EYS: variants seen among roughly 807,000 people sequenced by gnomAD.
EYS encodes the protein protein eyes shut homolog.
A neutral mutation model predicts 282.1 loss-of-function variants in EYS; 250 were observed. That is an observed-to-expected ratio of 0.89 (90% CI 0.80 to 0.98). The LOEUF (loss-of-function observed/expected upper bound fraction) is 0.98, where lower values mean the gene tolerates loss of function less well. EYS is among the 50% of genes least tolerant of loss of function. EYS has a pLI of 0.00. For synonymous variants in EYS, 1,355 were observed against 1,282.9 expected (o/e 1.06, Z -1.20); for missense variants, 4,016 against 3,709.0 (o/e 1.08, Z -2.15).
chr6:65,284,478 A>G (rs1768306059), intron 12 of EYS, among the ~76,000 whole-genome samples: 1 of 152,094 alleles, frequency 6.6e-6, no homozygotes, highest in Non-Finnish European at 1.5e-5. Context: ...AACTATTAAA[A>G]TTGAAAAGTT....
chr6:64,219,245 G>A (rs921398273), intron 31 of EYS, among the ~76,000 whole-genome samples: 1 of 152,156 alleles, frequency 6.6e-6, no homozygotes, highest in Non-Finnish European at 1.5e-5. Context: ...GGTGTGGACA[G>A]TTTCAAATTG....
At chr6:64,425,924 G>C (rs964697520) in intron 28 of EYS, among the ~76,000 whole-genome samples, 1 of 151,994 alleles carries the variant, frequency 6.6e-6, no homozygotes, top group Admixed American at 6.6e-5. Context: ...AGGAGTAGGA[G>C]ACCAGGAATT....
At chr6:64,727,131 T>C (rs1042899860) in intron 22 of EYS, among the ~76,000 whole-genome samples, 3 of 152,154 alleles carry the variant, frequency 2.0e-5, no homozygotes, top group African/African-American at 7.2e-5. Context: ...TGCCAACAAA[T>C]GTAAATAAAT....
At position 64,517,672 on chromosome 6, in the gene EYS, T is replaced by A. The variant is rs947320392; in HGVS notation, c.5644+72551A>T. Among the ~76,000 whole-genome samples the A allele has an allele frequency of 2.0e-5, 3 of 151,812 alleles. No individual in the cohort carries two copies. In the East Asian group the frequency reaches 5.8e-4, roughly 29 times the overall value. ...AGGATCTTCATGTTCATGTGAGGCA[T>A]GTGAAAGCCTCTGATTAATTACTTC... is the stretch of plus-strand genomic sequence containing the variant. On this transcript the variant is annotated intron_variant, in intron 26 of 42. Coordinates refer to ENST00000503581, the MANE Select transcript of EYS (RefSeq NM_001142800.2).
At chr6:64,949,107 G>A (rs972871154) in intron 14 of EYS, among the ~76,000 whole-genome samples, 2 of 151,848 alleles carry the variant, frequency 1.3e-5, no homozygotes, top group Non-Finnish European at 2.9e-5. Flanking sequence ...CAATATCTCT[G>A]ATGCTTATTA....
intron 31 of EYS, among the ~76,000 whole-genome samples, chr6:64,206,884 G>A (rs139924273): frequency 3.0e-4 from 45 of 152,110 alleles, no homozygotes; most frequent in East Asian, 9.7e-4. Flanking sequence ...ATATATTTGC[G>A]TCATGGGAGT....
Position 64,912,727 on chromosome 6 carries a change from C to T in EYS, c.2398G>A (p.Gly800Arg). The T allele has an allele frequency of 1.4e-6, 2 of 1,385,160 alleles. No homozygotes were observed. The highest frequency in any genetic ancestry group is 1.9e-5 in the South Asian group (1 of 53,180). 85.8% of individuals were successfully genotyped at this position (1,385,160 alleles called of 1,614,324 possible). A position where few individuals can be genotyped will look rare whatever the true frequency, so the allele number is the denominator to read the frequency against. Residue 800 changes from glycine to arginine, a missense_variant, in exon 16 of 43, where the codon GGA (glycine) becomes AGA (arginine). Gly to Arg is a moderately radical substitution (Grantham distance 125). Transcript: ENST00000503581. Reference sequence around the variant, plus strand: ...TCACTACAGTTCTGTCCAGTCCATCCAGATGTACACTCACATCTGAAATAA... The same window carrying T: ...TCACTACAGTTCTGTCCAGTCCATCTAGATGTACACTCACATCTGAAATAA... ...YKSYRCECTSGWTGQNCSEEI... is the reference protein window; with the variant it reads ...YKSYRCECTSRWTGQNCSEEI...
At chr6:65,145,469 T>C (rs1424963359) in intron 12 of EYS, among the ~76,000 whole-genome samples, 2 of 151,700 alleles carry the variant, frequency 1.3e-5, no homozygotes, top group Middle Eastern at 3.4e-3. Flanking sequence ...CAATGAAAGA[T>C]GCATTATTGT....
chr6:65,051,795 A>C (rs1773277477), intron 13 of EYS, among the ~76,000 whole-genome samples: 1 of 151,540 alleles, frequency 6.6e-6, no homozygotes, highest in African/African-American at 2.4e-5. Flanking sequence ...AAAGTCATAG[A>C]ATCAGAGAGT....
intron 2 of EYS, among the ~76,000 whole-genome samples, chr6:65,627,848 G>T (rs935209399): frequency 6.6e-6 from 1 of 152,190 alleles, no homozygotes; most frequent in Non-Finnish European, 1.5e-5. Context: ...GCTCCTGTGC[G>T]CCCGAGCCTC....
At chr6:65,326,201 T>C (rs575449441) in intron 11 of EYS, among the ~76,000 whole-genome samples, 121 of 152,148 alleles carry the variant, frequency 8.0e-4, no homozygotes, top group Middle Eastern at 6.8e-3. Context: ...TATCTGTTTT[T>C]CCTTTAATTG....
At chr6:64,552,738 C>T (rs191108936) in intron 26 of EYS, among the ~76,000 whole-genome samples, 1 of 147,838 alleles carries the variant, frequency 6.8e-6, no homozygotes, top group Non-Finnish European at 1.5e-5. Context: ...CATGGTGAAC[C>T]CCCCCCACCA....
chr6:64,109,562 A>G (rs557424259), intron 31 of EYS, among the ~76,000 whole-genome samples: 8 of 152,326 alleles, frequency 5.3e-5, no homozygotes, highest in African/African-American at 1.9e-4. Flanking sequence ...AAGTTAATGA[A>G]TAAATGACTA....
rs1468385170 is a variant in EYS at position 63,760,327 on chromosome 6, G to C, written c.8071+2134C>G. ...GTAAATCATAAGTTATAACAGGAAAGATAGCTATAACATAAATGAGCAAAT... is the reference window on the plus strand; with the variant it reads ...GTAAATCATAAGTTATAACAGGAAACATAGCTATAACATAAATGAGCAAAT... On this transcript the variant is annotated intron_variant, in intron 41 of 42. Coordinates refer to ENST00000503581, the MANE Select transcript of EYS (RefSeq NM_001142800.2). Among the ~76,000 whole-genome samples, 4 of 152,014 alleles carry C rather than the reference G, an allele frequency of 2.6e-5. No individual in the cohort carries two copies. The East Asian group carries it at 5.8e-4, about 22-fold the overall frequency.
intron 26 of EYS, among the ~76,000 whole-genome samples, chr6:64,565,346 AT>A (rs1372469515): frequency 6.6e-6 from 1 of 152,088 alleles, no homozygotes; most frequent in Non-Finnish European, 1.5e-5. Context: ...TCTTAAATTC[AT>A]TTTGAGTTGA....
intron 41 of EYS, among the ~76,000 whole-genome samples, chr6:63,732,959 G>A (rs1468771346): frequency 1.3e-5 from 2 of 152,130 alleles, no homozygotes; most frequent in Admixed American, 1.3e-4. Context: ...AAAGGAGAAA[G>A]GCATGTATGC....
At chr6:64,766,329 T>C (rs941779978) in intron 22 of EYS, among the ~76,000 whole-genome samples, 2 of 151,500 alleles carry the variant, frequency 1.3e-5, no homozygotes, top group Non-Finnish European at 2.9e-5. Flanking sequence ...TATTTATATT[T>C]TTTATGAAAA....
Position 64,387,879 on chromosome 6 carries a change from A to G in EYS, c.6078+811T>C, listed in dbSNP as rs147663551. 8.7e-3 allele frequency among the ~76,000 whole-genome samples: 1,324 copies of G among 152,154 alleles called. 8 individuals are homozygous for G. The highest frequency in any genetic ancestry group is 0.013 in the South Asian group (62 of 4,830). On this transcript the variant is annotated intron_variant, in intron 29 of 42. Transcript: ENST00000503581. Reference sequence around the variant, plus strand: ...TTTATGTCTATTTTTGTTTTATTTTATCTTGTATACTACGGAGTCATGATA... The same window carrying G: ...TTTATGTCTATTTTTGTTTTATTTTGTCTTGTATACTACGGAGTCATGATA...
rs139099008 is a variant in EYS at position 63,860,843 on chromosome 6, C to G, written c.7228+3343G>C. On this transcript the variant is annotated intron_variant, in intron 36 of 42. Transcript: ENST00000503581. ...GGCATTTAATATGGCTTTCTCTCCT[C>G]TACCAGATATCTAAATATTGGCATT... is the stretch of plus-strand genomic sequence containing the variant. 7.7e-3 allele frequency among the ~76,000 whole-genome samples: 1,177 copies of G among 152,274 alleles called. 18 individuals are homozygous for G. The highest frequency in any genetic ancestry group is 0.027 in the African/African-American group (1,106 of 41,554).
Sources: gnomAD v4.1 joint callset for allele counts (sites outside exome capture counted in the v4.1 genomes callset) on GRCh38, gnomAD v4.1.1 for gene constraint, MANE v1.5 for transcripts, NCBI Gene and HGNC (gene_info 2026-07-23, HGNC 2026-07-21) for gene names.